Variants in KLHL28 observed in about 807,000 individuals in gnomAD.
The protein encoded by KLHL28 is kelch like family member 28.
In KLHL28, 22 loss-of-function variants were observed where a neutral mutation model predicts 48.3. That is an observed-to-expected ratio of 0.46 (90% confidence interval 0.33 to 0.65). The LOEUF is 0.65. KLHL28 is among the 30% of genes least tolerant of loss of function. The pLI is 0.03. For missense variants in KLHL28, 527 were observed against 704.3 expected, an observed-to-expected ratio of 0.75 and a Z score of 2.85; for synonymous variants, 243 against 242.4, an observed-to-expected ratio of 1.00 and a Z score of -0.02.
chr14:44,957,348 A>C (rs764878062), intron 1 of KLHL28, among the ~76,000 whole-genome samples: 9 of 152,220 alleles, frequency 5.9e-5, no homozygotes, highest in Non-Finnish European at 1.0e-4. Context: ...TAAGGCACAA[A>C]ATTTTGAATA....
At chr14:44,955,127 C>A (rs1884738631) in intron 1 of KLHL28, among the ~76,000 whole-genome samples, 1 of 151,382 alleles carries the variant, frequency 6.6e-6, no homozygotes, top group South Asian at 2.1e-4. Flanking sequence ...AAGAAGGTAA[C>A]GACATAACAC....
rs1259553308 is a variant in KLHL28, at chr14:44,928,056, T to C, written c.*972A>G. The C allele has an allele frequency of 1.3e-5, 2 of 152,546 alleles. No individual in the cohort carries two copies. The highest frequency in any genetic ancestry group is 2.9e-5 in the Non-Finnish European group (2 of 68,010). 9.4% of individuals were successfully genotyped at this position (152,546 alleles called of 1,614,324 possible). A position where few individuals can be genotyped will look rare whatever the true frequency, so the allele number is the denominator to read the frequency against. On this transcript the variant is annotated 3_prime_UTR_variant, in exon 5 of 5. Coordinates refer to ENST00000396128, the MANE Select transcript of KLHL28 (RefSeq NM_017658.5). Reference sequence around the variant, plus strand: ...TGTCATGCATATCTCATACTGAACATCCAAAAGGACATCAGTTATAGCCTT... The same window carrying C: ...TGTCATGCATATCTCATACTGAACACCCAAAAGGACATCAGTTATAGCCTT...
rs567539370 is a variant in KLHL28 at position 44,937,657 on chromosome 14, T to G, written c.900-3099A>C. Reference sequence around the variant, plus strand: ...TTTGATGGTGTCTTAGTTCATTTTCTGCCGATATAACAGAATACTACAGAC... The same window carrying G: ...TTTGATGGTGTCTTAGTTCATTTTCGGCCGATATAACAGAATACTACAGAC... On this transcript the variant is annotated intron_variant, in intron 2 of 4. Coordinates refer to ENST00000396128, the MANE Select transcript of KLHL28 (RefSeq NM_017658.5). 5.3e-5 allele frequency among the ~76,000 whole-genome samples: 8 copies of G among 152,344 alleles called. No homozygotes were observed. The East Asian group carries it at 1.5e-3, about 29-fold the overall frequency.
chr14:44,961,319 G>C lies in KLHL28; in HGVS notation c.-1+527C>G, dbSNP rs142638956. Among the ~76,000 whole-genome samples, 1,191 of 152,200 alleles carry C rather than the reference G, an allele frequency of 7.8e-3. 9 individuals carry two copies. Among genetic ancestry groups the C allele is most frequent in the Non-Finnish European group, 0.012 (801 of 68,010 alleles). Reference sequence around the variant, plus strand: ...GGCAGACGGAGGGGGCGGAGGTTAGGGGAGAGTCCCACAGAGGAACTGCAT... The same window carrying C: ...GGCAGACGGAGGGGGCGGAGGTTAGCGGAGAGTCCCACAGAGGAACTGCAT... On this transcript the variant is annotated intron_variant, in intron 1 of 4. Coordinates refer to ENST00000396128, the MANE Select transcript of KLHL28 (RefSeq NM_017658.5).
rs149031215 is a variant in KLHL28 at position 44,957,413 on chromosome 14, T to C, written c.-1+4433A>G. On this transcript the variant is annotated intron_variant, in intron 1 of 4. Transcript: ENST00000396128. ...GTTTAAATGAATTAGCAAAATCACA[T>C]AATTAGTAAAAAACATTACTGGGAC... is the stretch of plus-strand genomic sequence containing the variant. Among the ~76,000 whole-genome samples, 383 of 152,316 alleles carry C rather than the reference T, an allele frequency of 2.5e-3. 2 individuals are homozygous for C. The highest frequency in any genetic ancestry group is 8.9e-3 in the African/African-American group (369 of 41,570).
intron 1 of KLHL28, among the ~76,000 whole-genome samples, chr14:44,952,465 A>ATTCCTTT (rs1173707324): frequency 1.3e-5 from 2 of 152,236 alleles, no homozygotes; most frequent in African/African-American, 4.8e-5. Context: ...CAGTTAAAAT[A>ATTCCTTT]TTTATAGCTC....
chr14:44,958,049 T>C (rs1432864993), intron 1 of KLHL28, among the ~76,000 whole-genome samples: 1 of 149,330 alleles, frequency 6.7e-6, no homozygotes, highest in Admixed American at 6.7e-5. Context: ...ATCAGGTTCC[T>C]CCATATCTCT....
At position 44,941,727 on chromosome 14, in the gene KLHL28, C is replaced by T. The variant is rs79409108; in HGVS notation, c.899+3303G>A. Among the ~76,000 whole-genome samples the T allele has an allele frequency of 1.4e-3, 214 of 151,648 alleles. 4 individuals carry two copies. In the East Asian group the frequency reaches 0.037, roughly 26 times the overall value. ...TTAAGAGCCACTTTTCCATTTTTATCTTTCTGGATCTTTCCAGTGCATTTT... is the reference window on the plus strand; with the variant it reads ...TTAAGAGCCACTTTTCCATTTTTATTTTTCTGGATCTTTCCAGTGCATTTT... On this transcript the variant is annotated intron_variant, in intron 2 of 4. Coordinates refer to ENST00000396128, the MANE Select transcript of KLHL28 (RefSeq NM_017658.5).
intron 1 of KLHL28, among the ~76,000 whole-genome samples, chr14:44,949,859 A>G (rs1411188361): frequency 6.6e-6 from 1 of 152,128 alleles, no homozygotes; most frequent in Non-Finnish European, 1.5e-5. Flanking sequence ...TTTAAGCTGC[A>G]TTAACAGAAC....
chr14:44,960,867 G>C (rs1349938188), intron 1 of KLHL28: 1 of 1,440,952 alleles, frequency 6.9e-7, no homozygotes, highest in East Asian at 2.5e-5. Context: ...ACTTTAAAAA[G>C]TATTTAAGAG....
chr14:44,943,099 T>G, intron 2 of KLHL28, among the ~76,000 whole-genome samples: 2 of 152,316 alleles, frequency 1.3e-5, no homozygotes, highest in South Asian at 4.1e-4. Context: ...GATTACTATG[T>G]CAAAAGATAT....
intron 1 of KLHL28, among the ~76,000 whole-genome samples, chr14:44,951,636 A>C (rs547104546): frequency 6.6e-6 from 1 of 152,356 alleles, no homozygotes; most frequent in South Asian, 2.1e-4. Flanking sequence ...GTAACTTCAT[A>C]AAAGAAAGCC....
At position 44,931,348 on chromosome 14, in the gene KLHL28, T is replaced by C; in HGVS notation, c.1537A>G (p.Lys513Glu). 6.2e-7 allele frequency: 1 copy of C among 1,612,108 alleles called. No individual in the cohort carries two copies. Among genetic ancestry groups the C allele is most frequent in the East Asian group, 2.2e-5 (1 of 44,852 alleles). ...TTCTTATTACCTGTTCTAGGTTCTT[T>C]CATTGGTCTACACACAGTCCACTGA... ...QNQWTVCRPM[K>E]EPRTGVGAAV... is the part of the protein sequence containing the mutation. Residue 513 changes from lysine to glutamate, a missense_variant, in exon 4 of 5, where the codon AAA becomes GAA. Transcript: ENST00000396128.
chr14:44,951,792 A>G (rs569817221), intron 1 of KLHL28, among the ~76,000 whole-genome samples: 2 of 152,368 alleles, frequency 1.3e-5, no homozygotes, highest in African/African-American at 4.8e-5. Context: ...AAGGCAAGGT[A>G]AAAATAGGGA....
chr14:44,950,429 T>A (rs144462101), intron 1 of KLHL28, among the ~76,000 whole-genome samples: 20 of 152,336 alleles, frequency 1.3e-4, no homozygotes, highest in African/African-American at 4.6e-4. Flanking sequence ...TAGTGATAGA[T>A]CCTATATTGT....
intron 2 of KLHL28, 111 bp from the exon 3 acceptor site, chr14:44,934,669 A>G (rs1883734606): frequency 1.3e-6 from 1 of 754,642 alleles, no homozygotes; most frequent in Admixed American, 3.5e-5. Flanking sequence ...AGCACAATAA[A>G]CCATGACACA....
intron 1 of KLHL28, chr14:44,961,572 A>G (rs2138689232): frequency 6.6e-6 from 1 of 152,276 alleles, no homozygotes; most frequent in South Asian, 2.1e-4. Flanking sequence ...AAAGGCCCCA[A>G]AGACCAGGAA....
At chr14:44,934,775 G>A (rs1212243674) in intron 2 of KLHL28, among the ~76,000 whole-genome samples, 1 of 152,176 alleles carries the variant, frequency 6.6e-6, no homozygotes, top group African/African-American at 2.4e-5. Context: ...GTGTAAACTT[G>A]TATAAATTAC....
At chr14:44,936,097 A>G (rs1480398700) in intron 2 of KLHL28, among the ~76,000 whole-genome samples, 1 of 151,746 alleles carries the variant, frequency 6.6e-6, no homozygotes, top group Non-Finnish European at 1.5e-5. Flanking sequence ...GCAATGATAT[A>G]TGATGGAGTA....
Sources: allele counts gnomAD v4.1 joint callset (sites outside exome capture counted in the v4.1 genomes callset), GRCh38; gene constraint gnomAD v4.1.1; transcripts MANE v1.5; gene names NCBI Gene and HGNC (gene_info 2026-07-23, HGNC 2026-07-21).